Variants in BTRC observed in about 807,000 individuals in gnomAD.
BTRC encodes beta-transducin repeat containing E3 ubiquitin protein ligase, also known as F-box/WD repeat-containing protein 1A.
In BTRC, 42 loss-of-function variants were observed where a neutral mutation model predicts 85.5. The ratio of observed to expected loss-of-function variants is 0.49; its 90% CI spans 0.38 to 0.64. The LOEUF (loss-of-function observed/expected upper bound fraction) is 0.64. Ranked by LOEUF, BTRC falls within the 30% of genes least tolerant of loss-of-function variation. The pLI, the probability that BTRC is intolerant of heterozygous loss-of-function variation, is 0.00. For synonymous variants in BTRC, 255 were observed against 263.3 expected (o/e 0.97, Z 0.30); for missense variants, 594 against 743.5 (o/e 0.80, Z 2.34).
At chr10:101,383,057 ATTTTTTT>A (rs370353886) in intron 1 of BTRC, among the ~76,000 whole-genome samples, 9 of 116,480 alleles carry the variant, frequency 7.7e-5, no homozygotes, top group Admixed American at 1.9e-4. Context: ...TTCCCTGGAG[ATTTTTTT>A]TTTTTTTTTT....
At chr10:101,477,039 C>T (rs1349831473) in intron 3 of BTRC, among the ~76,000 whole-genome samples, 2 of 152,134 alleles carry the variant, frequency 1.3e-5, no homozygotes, top group African/African-American at 4.8e-5. Context: ...TGCCGTGGCA[C>T]GATCTAGGCT....
Position 101,366,766 on chromosome 10 carries a change from T to TTATATATATATA in BTRC, c.48+12550_48+12561dup, listed in dbSNP as rs375980263. Among the ~76,000 whole-genome samples, 15 of 50,918 alleles carry TTATATATATATA rather than the reference T, an allele frequency of 2.9e-4. No individual in the cohort carries two copies. In the East Asian group the frequency reaches 5.4e-3, roughly 18 times the overall value. The allele number at this position is 50,918 out of a possible 152,430, so 33.4% of individuals were successfully genotyped here. ...CCCAGGGAGTTTGGACTTAATCTAG[T>TTATATATATATA]TATATATATATATATATATATATTT... is the stretch of plus-strand genomic sequence containing the variant. On this transcript the variant is annotated intron_variant, in intron 1 of 14. Coordinates refer to ENST00000370187, the MANE Select transcript of BTRC (RefSeq NM_033637.4).
At chr10:101,429,938 C>T (rs1589456419) in intron 1 of BTRC, among the ~76,000 whole-genome samples, 1 of 149,896 alleles carries the variant, frequency 6.7e-6, no homozygotes, top group Non-Finnish European at 1.5e-5. Flanking sequence ...TGTAATGTTT[C>T]TGTGAACTCC....
At chr10:101,398,803 T>C (rs1168441612) in intron 1 of BTRC, among the ~76,000 whole-genome samples, 1 of 152,172 alleles carries the variant, frequency 6.6e-6, no homozygotes, top group East Asian at 1.9e-4. Flanking sequence ...TGTTTTAAAG[T>C]AATCCGTTGA....
intron 1 of BTRC, among the ~76,000 whole-genome samples, chr10:101,379,618 G>A (rs1300714148): frequency 1.3e-5 from 2 of 151,936 alleles, no homozygotes; most frequent in Admixed American, 6.6e-5. Context: ...GTTAAGTGTA[G>A]GAATGTTCTG....
At chr10:101,462,776 T>C (rs1286658777) in intron 3 of BTRC, among the ~76,000 whole-genome samples, 2 of 151,960 alleles carry the variant, frequency 1.3e-5, no homozygotes, top group East Asian at 1.9e-4. Context: ...TTGTAAAAAT[T>C]AGAATGTCCT....
At chr10:101,367,075 TA>T (rs1942484192) in intron 1 of BTRC, among the ~76,000 whole-genome samples, 1 of 105,624 alleles carries the variant, frequency 9.5e-6, no homozygotes, top group Non-Finnish European at 1.8e-5. Context: ...AATATATATA[TA>T]TATATTTTTT....
chr10:101,531,298 A>G lies in BTRC; in HGVS notation c.805A>G (p.Arg269Gly). 2 of 1,611,166 alleles carry G rather than the reference A, an allele frequency of 1.2e-6. No homozygotes were observed. Among genetic ancestry groups the G allele is most frequent in the Non-Finnish European group, 1.7e-6 (2 of 1,177,328 alleles). ...GAATGCTCCTCCCAACTCTTTTTAT[A>G]GAGCACTTTATCCTAAAATTATACA... ...DGNAPPNSFYRALYPKIIQDI... is the reference protein window; with the variant it reads ...DGNAPPNSFYGALYPKIIQDI... The change falls in exon 7 of 15, where the codon AGA becomes GGA. Residue 269 changes from arginine to glycine, a missense_variant. Arg to Gly is a moderately radical substitution (Grantham distance 125). This residue lies in a region of BTRC where 373 missense variants were observed against 503.6 expected (regional missense o/e 0.74). Transcript: ENST00000370187.
intron 1 of BTRC, among the ~76,000 whole-genome samples, chr10:101,389,119 G>GGTT (rs1943165921): frequency 2.4e-5 from 1 of 41,556 alleles, no homozygotes; most frequent in Admixed American, 3.3e-4. Flanking sequence ...TTTTGTGTGT[G>GGTT]TTTTTTTTTT....
chr10:101,419,203 GT>G (rs1589443986), intron 1 of BTRC, among the ~76,000 whole-genome samples: 1 of 151,898 alleles, frequency 6.6e-6, no homozygotes, highest in African/African-American at 2.4e-5. Flanking sequence ...TAGAGACAGG[GT>G]TTCACCATGT....
At chr10:101,435,436 A>G (rs1294611900) in intron 2 of BTRC, among the ~76,000 whole-genome samples, 2 of 152,204 alleles carry the variant, frequency 1.3e-5, no homozygotes, top group African/African-American at 4.8e-5. Flanking sequence ...CTTACTTCAT[A>G]TAAATGCCAT....
chr10:101,540,645 G>T (rs182746666), intron 13 of BTRC, among the ~76,000 whole-genome samples: 56 of 152,252 alleles, frequency 3.7e-4, no homozygotes, highest in Non-Finnish European at 7.4e-5. Context: ...AAAAAAGTCT[G>T]CTGGGAATGT....
chr10:101,511,471 C>T (rs866839674), intron 4 of BTRC, among the ~76,000 whole-genome samples: 3 of 152,294 alleles, frequency 2.0e-5, no homozygotes, highest in East Asian at 1.9e-4. Flanking sequence ...AAGCAGTTCT[C>T]GTGCCTCAGA....
chr10:101,531,368 G>A (rs1268190223), intron 7 of BTRC, 35 bp downstream of exon 7: 4 of 1,450,140 alleles, frequency 2.8e-6, no homozygotes, highest in Non-Finnish European at 3.9e-6. Flanking sequence ...ATTGCCCAAG[G>A]GCACAGAATT....
At chr10:101,472,041 T>A (rs1223190727) in intron 3 of BTRC, among the ~76,000 whole-genome samples, 1 of 152,192 alleles carries the variant, frequency 6.6e-6, no homozygotes, top group Admixed American at 6.5e-5. Context: ...CAACCATATT[T>A]CCATGAATGT....
chr10:101,518,404 A>G (rs1477681129), intron 4 of BTRC, among the ~76,000 whole-genome samples: 1 of 152,062 alleles, frequency 6.6e-6, no homozygotes, highest in Non-Finnish European at 1.5e-5. Context: ...AGTTTCTTAC[A>G]TGGTAGCTCA....
chr10:101,469,554 T>G (rs557011228), intron 3 of BTRC, among the ~76,000 whole-genome samples: 1 of 152,290 alleles, frequency 6.6e-6, no homozygotes, highest in East Asian at 1.9e-4. Context: ...AAAAATAGCA[T>G]GATACATTTA....
chr10:101,532,884 T>G, intron 8 of BTRC, 68 bp from the exon 9 acceptor site: 2 of 1,253,402 alleles, frequency 1.6e-6, no homozygotes, highest in Non-Finnish European at 2.3e-6. Context: ...AGACACGTAA[T>G]AGGACCAACA....
intron 4 of BTRC, among the ~76,000 whole-genome samples, chr10:101,520,135 T>TTTTGTTTG (rs111689841): frequency 6.0e-4 from 90 of 151,152 alleles, no homozygotes; most frequent in Non-Finnish European, 1.0e-3. Flanking sequence ...TTTGCTTGTA[T>TTTTGTTTG]TTTGTTTGTT....
Sources: allele counts gnomAD v4.1 joint callset (sites outside exome capture counted in the v4.1 genomes callset), GRCh38; gene constraint gnomAD v4.1.1; regional missense constraint gnomAD v4.1.1; transcripts MANE v1.5; gene names NCBI Gene and HGNC (gene_info 2026-07-23, HGNC 2026-07-21).